Variants in ITGB4 observed in about 807,000 individuals in gnomAD.
ITGB4 encodes the protein integrin subunit beta 4, also known as integrin beta-4.
Under a neutral mutation model 207.6 loss-of-function variants are expected in ITGB4, and 159 were observed. That is an observed-to-expected ratio of 0.77 (90% confidence interval 0.67 to 0.87). ITGB4 has a LOEUF of 0.87. Ranked by LOEUF, ITGB4 falls within the 40% of genes least tolerant of loss-of-function variation. The pLI, the probability that ITGB4 is intolerant of heterozygous loss-of-function variation, is 0.00. For synonymous variants in ITGB4, 1,020 were observed against 1,062.7 expected (o/e 0.96, Z 0.78); for missense variants, 2,278 against 2,546.8 (o/e 0.89, Z 2.27).
rs2060971814 is a variant in ITGB4 at position 75,736,226 on chromosome 17, G to T, written c.1762-62G>T. ...CTCTCCAGAGAGAACCCTATGGAGA[G>T]AGGAGAGGGAGCAGGCAGGGATGGG... On this transcript the variant is annotated intron_variant, in intron 14 of 39. Transcript: ENST00000200181. 3 of 1,602,310 alleles carry T rather than the reference G, an allele frequency of 1.9e-6. No individual in the cohort carries two copies. The Admixed American group carries it at 5.0e-5, about 27-fold the overall frequency.
At position 75,739,931 on chromosome 17, in the gene ITGB4, T is replaced by G; in HGVS notation, c.2306T>G (p.Met769Arg). Residue 769 changes from methionine to arginine, a missense_variant, in exon 20 of 40, where the codon ATG becomes AGG. Coordinates refer to ENST00000200181, the MANE Select transcript of ITGB4 (RefSeq NM_000213.5). The surrounding 1 kb of genome is among the most constrained non-coding windows in gnomAD (Gnocchi z 5.4). ...CACTACATGCTGCGGGAGAACCTGATGGCCTCTGACCACTTGGACACGCCC... is the reference window on the plus strand; with the variant it reads ...CACTACATGCTGCGGGAGAACCTGAGGGCCTCTGACCACTTGGACACGCCC... ...EDHYMLRENL[M>R]ASDHLDTPML... 1 of 1,613,356 alleles carries G rather than the reference T, an allele frequency of 6.2e-7. No individual in the cohort carries two copies. The highest frequency in any genetic ancestry group is 8.5e-7 in the Non-Finnish European group (1 of 1,180,034).
chr17:75,735,984 C>T, intron 13 of ITGB4, 67 bp from the exon 14 acceptor site: 1 of 1,479,494 alleles, frequency 6.8e-7, no homozygotes, highest in Non-Finnish European at 9.4e-7. Flanking sequence ...CCCTCCCTGC[C>T]AGGTGGGCAG....
At chr17:75,737,283 G>T in intron 16 of ITGB4, 39 bp from the exon 17 acceptor site, 1 of 1,576,608 alleles carries the variant, frequency 6.3e-7, no homozygotes, top group Non-Finnish European at 8.6e-7. Flanking sequence ...GGGCGGAGGG[G>T]TGTGGCTGGG....
At chr17:75,755,008 G>A in intron 34 of ITGB4, 193 bp downstream of exon 34, 1 of 1,576,154 alleles carries the variant, frequency 6.3e-7, no homozygotes, top group Admixed American at 1.8e-5. Context: ...GTACACACAT[G>A]CATGCACACT....
Position 75,750,376 on chromosome 17 carries a change from A to T in ITGB4, c.3474+108A>T. ...CAGGGCCCCCTGAGAGAGAGCAGACAGTGGAACCTAGCACAGGTGGTCAGA... is the reference window on the plus strand; with the variant it reads ...CAGGGCCCCCTGAGAGAGAGCAGACTGTGGAACCTAGCACAGGTGGTCAGA... On this transcript the variant is annotated intron_variant, in intron 28 of 39. Coordinates refer to ENST00000200181, the MANE Select transcript of ITGB4 (RefSeq NM_000213.5). The surrounding 1 kb of genome is among the most constrained non-coding windows in gnomAD (Gnocchi z 5.5). 8.7e-7 allele frequency: 1 copy of T among 1,151,034 alleles called. No individual in the cohort carries two copies. Among genetic ancestry groups the T allele is most frequent in the Non-Finnish European group, 1.2e-6 (1 of 813,986 alleles). The allele number at this position is 1,151,034 out of a possible 1,614,324, so 71.3% of individuals were successfully genotyped here. A position where few individuals can be genotyped will look rare whatever the true frequency, so the allele number is the denominator to read the frequency against.
At chr17:75,737,700 G>C in intron 18 of ITGB4, 56 bp downstream of exon 18, 1 of 1,435,632 alleles carries the variant, frequency 7.0e-7, no homozygotes, top group Non-Finnish European at 9.7e-7. Flanking sequence ...CACCCCAACA[G>C]GGCCCCCACC....
rs908438519 is a variant in ITGB4, at chr17:75,740,299, G to T, written c.2447-59G>T. On this transcript the variant is annotated intron_variant, in intron 20 of 39. Transcript: ENST00000200181. This position sits in a 1 kb window ranked among gnomAD's most constrained non-coding sequence, Gnocchi z 5.9. ...GGTTGCTGGAGGGATGCTCTGTGGT[G>T]CCTGTCATGCAGGGGGCTGACCACC... 2 of 1,456,058 alleles carry T rather than the reference G, an allele frequency of 1.4e-6. No homozygotes were observed. Among genetic ancestry groups the T allele is most frequent in the African/African-American group, 1.4e-5 (1 of 72,118 alleles). 90.2% of individuals were successfully genotyped at this position (1,456,058 alleles called of 1,614,324 possible). A position where few individuals can be genotyped will look rare whatever the true frequency, so the allele number is the denominator to read the frequency against.
chr17:75,729,292 C>A lies in ITGB4; in HGVS notation c.594C>A (p.Asp198Glu). The A allele has an allele frequency of 6.2e-7, 1 of 1,613,708 alleles. No individual in the cohort carries two copies. The highest frequency in any genetic ancestry group is 1.7e-4 in the Middle Eastern group (1 of 6,060). ...EKLKEPWPNSDPPFSFKNVIS... is the reference protein window; with the variant it reads ...EKLKEPWPNSEPPFSFKNVIS... The stretch of plus-strand genomic sequence containing the variant: ...TGAAGGAGCCCTGGCCCAACAGTGA[C>A]CCCCCCTTCTCCTTCAAGAACGTCA... Residue 198 changes from aspartate (D) to glutamate (E), a missense_variant, in exon 7 of 40, where the codon GAC (aspartate) becomes GAA (glutamate). Coordinates refer to ENST00000200181, the MANE Select transcript of ITGB4 (RefSeq NM_000213.5). This position sits in a 1 kb window ranked among gnomAD's most constrained non-coding sequence, Gnocchi z 4.4.
Position 75,730,898 on chromosome 17 carries a change from C to A in ITGB4, c.1026C>A (p.Val342=). Reference sequence around the variant, plus strand: ...AGAAGCTTCACACCTATTTCCCTGTCTCCTCACTGGGGGTGCTGCAGGAGG... The same window carrying A: ...AGAAGCTTCACACCTATTTCCCTGTATCCTCACTGGGGGTGCTGCAGGAGG... ...YYEKLHTYFP[V]SSLGVLQEDS... Residue 342 remains valine (V), a synonymous_variant, in exon 9 of 40, where the codon GTC becomes GTA. Transcript: ENST00000200181. 6.2e-7 allele frequency: 1 copy of A among 1,613,744 alleles called. No homozygotes were observed. Among genetic ancestry groups the A allele is most frequent in the South Asian group, 1.1e-5 (1 of 91,074 alleles).
At chr17:75,747,209 T>C (rs1449503887) in intron 26 of ITGB4, among the ~76,000 whole-genome samples, 1 of 152,192 alleles carries the variant, frequency 6.6e-6, no homozygotes, top group East Asian at 1.9e-4. Context: ...CCAGGCGTGG[T>C]GGCTCACACC....
chr17:75,754,272 G>A (rs548311119), intron 33 of ITGB4, among the ~76,000 whole-genome samples: 1 of 152,280 alleles, frequency 6.6e-6, no homozygotes, highest in South Asian at 2.1e-4. Flanking sequence ...AGGAGGGAAG[G>A]CTTGGGGATC....
chr17:75,749,042 C>A lies in ITGB4; in HGVS notation c.3313C>A (p.Pro1105Thr). The change falls in exon 27 of 40, where the codon CCA becomes ACA. Residue 1105 changes from proline to threonine, a missense_variant. Pro to Thr is a conservative substitution (Grantham distance 38). Transcript: ENST00000200181. ...CTCCACCACCATCATCATCAGGGACCCAGGTAGGCAGAGCCTGGGGGTCGG... is the reference window on the plus strand; with the variant it reads ...CTCCACCACCATCATCATCAGGGACACAGGTAGGCAGAGCCTGGGGGTCGG... ...PHSTTIIIRD[P>T]DELDRSFTSQ... is the part of the protein sequence containing the mutation. 2 of 1,610,062 alleles carry A rather than the reference C, an allele frequency of 1.2e-6. No individual in the cohort carries two copies.
chr17:75,748,800 C>A (rs1206774570), intron 26 of ITGB4, 41 bp from the exon 27 acceptor site: 1 of 1,496,092 alleles, frequency 6.7e-7, no homozygotes, highest in Admixed American at 1.9e-5. Context: ...CTTGCCTCAG[C>A]CCCCAGCCAT....
Position 75,729,253 on chromosome 17 carries a change from A to T in ITGB4, c.567-12A>T. 6.2e-7 allele frequency: 1 copy of T among 1,611,462 alleles called. No homozygotes were observed. The highest frequency in any genetic ancestry group is 8.5e-7 in the Non-Finnish European group (1 of 1,178,946). On this transcript the variant is annotated splice_polypyrimidine_tract_variant and intron_variant, in intron 6 of 39. Transcript: ENST00000200181. The surrounding 1 kb of genome is among the most constrained non-coding windows in gnomAD (Gnocchi z 4.4). ...CCCTGTGACACTCTCTCTCCCTCCC[A>T]CCTCTGCCCAGGCTGAAGGAGCCCT...
At chr17:75,733,157 G>A (rs2060898595) in intron 12 of ITGB4, among the ~76,000 whole-genome samples, 1 of 151,890 alleles carries the variant, frequency 6.6e-6, no homozygotes, top group Non-Finnish European at 1.5e-5. Flanking sequence ...GGGAGGCCGA[G>A]GTGGGCGGAT....
At chr17:75,755,055 G>A (rs559524864) in intron 34 of ITGB4, 3 of 1,596,526 alleles carry the variant, frequency 1.9e-6, no homozygotes, top group South Asian at 2.3e-5. Flanking sequence ...CCTGCCCTAG[G>A]CCTCCCTCCC....
In ITGB4 at chr17:75,757,448, G is replaced by A. The variant is rs2061545324; in HGVS notation, c.5362G>A (p.Ala1788Thr). 1 of 1,612,102 alleles carries A rather than the reference G, an allele frequency of 6.2e-7. No individual in the cohort carries two copies. The highest frequency in any genetic ancestry group is 1.3e-5 in the African/African-American group (1 of 74,762). The change falls in exon 40 of 40, where the codon GCA becomes ACA. Residue 1788 changes from alanine to threonine, a missense_variant. Physicochemically the swap from Ala to Thr is moderately conservative, Grantham distance 58. Coordinates refer to ENST00000200181, the MANE Select transcript of ITGB4 (RefSeq NM_000213.5). ...GLTLGAQHLE[A>T]GGSLTRHVTQ... ...GACCCTGGGGGCCCAGCACCTGGAG[G>A]CAGGCGGCTCCCTCACCCGGCATGT... is the stretch of plus-strand genomic sequence containing the variant.
At chr17:75,754,003 C>T in intron 33 of ITGB4, 29 bp downstream of exon 33, 1 of 1,001,812 alleles carries the variant, frequency 1.0e-6, no homozygotes, top group South Asian at 3.9e-5. Flanking sequence ...GCCCCCCGAT[C>T]CGCGCCCACC....
At chr17:75,737,266 T>C (rs2060998791) in intron 16 of ITGB4, 56 bp from the exon 17 acceptor site, 1 of 1,562,642 alleles carries the variant, frequency 6.4e-7, no homozygotes, top group Admixed American at 1.9e-5. Flanking sequence ...AGACCCTGGG[T>C]CCTCTGGGGC....
Sources: allele counts gnomAD v4.1 joint callset (sites outside exome capture counted in the v4.1 genomes callset), GRCh38; gene constraint gnomAD v4.1.1; non-coding constraint Gnocchi (gnomAD v3.1); transcripts MANE v1.5; gene names NCBI Gene and HGNC (gene_info 2026-07-23, HGNC 2026-07-21).